The following SNX29 variants were observed in gnomAD, a reference collection of about 807,000 sequenced individuals.
The protein encoded by SNX29 is sorting nexin-29.
SNX29 carries 78 observed loss-of-function variants against 102.1 expected under a neutral mutation model. The observed-to-expected ratio is 0.76, with a 90% CI of 0.64 to 0.92. SNX29 has a LOEUF of 0.92. Ranked by LOEUF, SNX29 falls within the 40% of genes least tolerant of loss-of-function variation. The pLI, the probability that SNX29 is intolerant of heterozygous loss-of-function variation, is 0.00. For synonymous variants in SNX29, 580 were observed against 414.5 expected (o/e 1.40, Z -4.85); for missense variants, 1,280 against 1,061.7 (o/e 1.21, Z -2.86).
chr16:12,259,899 C>T (rs2078683590), intron 14 of SNX29, among the ~76,000 whole-genome samples: 1 of 152,038 alleles, frequency 6.6e-6, no homozygotes, highest in African/African-American at 2.4e-5. Context: ...ATCACCGCCA[C>T]ATCCAAAGTG....
intron 11 of SNX29, chr16:12,089,786 A>G (rs1250494174): frequency 5.8e-6 from 2 of 343,050 alleles, no homozygotes; most frequent in South Asian, 2.3e-5. Context: ...TGCGAAGAGC[A>G]GGCTCTGAAG....
In SNX29 at chr16:12,568,681, C is replaced by A. The variant is rs991150979; in HGVS notation, c.*52C>A. 6.9e-6 allele frequency: 11 copies of A among 1,585,172 alleles called. No individual in the cohort carries two copies. The East Asian group carries it at 1.8e-4, about 26-fold the overall frequency. On this transcript the variant is annotated 3_prime_UTR_variant, in exon 21 of 21. Coordinates refer to ENST00000566228, the MANE Select transcript of SNX29 (RefSeq NM_032167.5). ...CTGTGCGTGGCACCAGCTGCGTCCA[C>A]CCCAGCCACTGCCGCTGGCCCCTCA...
intron 11 of SNX29, among the ~76,000 whole-genome samples, chr16:12,094,879 TCG>T (rs1228468185): frequency 1.3e-5 from 2 of 151,632 alleles, no homozygotes; most frequent in African/African-American, 2.4e-5. Context: ...TTAAAACCTC[TCG>T]CCTCCTGCAT....
chr16:12,363,807 G>A (rs764741017), intron 16 of SNX29, among the ~76,000 whole-genome samples: 2 of 152,168 alleles, frequency 1.3e-5, no homozygotes, highest in African/African-American at 4.8e-5. Context: ...AAGTGTTTCA[G>A]ATTTCTTTAC....
intron 9 of SNX29, among the ~76,000 whole-genome samples, chr16:12,063,062 C>A (rs1286544292): frequency 6.6e-6 from 1 of 152,198 alleles, no homozygotes; most frequent in African/African-American, 2.4e-5. Flanking sequence ...CCCTGCACTG[C>A]AGTGTGGCTG....
rs1440998847 is a variant in SNX29 at position 12,275,198 on chromosome 16, G to A, written c.1679-2735G>A. 3.9e-5 allele frequency among the ~76,000 whole-genome samples: 6 copies of A among 152,114 alleles called. No homozygotes were observed. In the East Asian group the frequency reaches 1.2e-3, roughly 29 times the overall value. On this transcript the variant is annotated intron_variant, in intron 14 of 20. Coordinates refer to ENST00000566228, the MANE Select transcript of SNX29 (RefSeq NM_032167.5). The stretch of plus-strand genomic sequence containing the variant: ...CCATTCCACTGGAGAACTACCCCTG[G>A]TCTCCAAAGTTTTTTTAGATTCCTG...
intron 1 of SNX29, among the ~76,000 whole-genome samples, chr16:11,988,775 G>A (rs1407824081): frequency 6.6e-6 from 1 of 152,080 alleles, no homozygotes; most frequent in African/African-American, 2.4e-5. Flanking sequence ...GCAAGAACTG[G>A]TGAACTGGGT....
chr16:12,570,220 T>C lies in SNX29; in HGVS notation c.*1591T>C. 2 of 1,064,754 alleles carry C rather than the reference T, an allele frequency of 1.9e-6. No individual in the cohort carries two copies. Among genetic ancestry groups the C allele is most frequent in the Non-Finnish European group, 2.3e-6 (2 of 878,992 alleles). 66.0% of individuals were successfully genotyped at this position (1,064,754 alleles called of 1,614,324 possible). A position where few individuals can be genotyped will look rare whatever the true frequency, so the allele number is the denominator to read the frequency against. On this transcript the variant is annotated 3_prime_UTR_variant, in exon 21 of 21. Transcript: ENST00000566228. ...ACTTCCAAGGGGACCTGGGGCCAGA[T>C]AAGCCCTGCCCCGGTGAGACCAAAT...
intron 14 of SNX29, among the ~76,000 whole-genome samples, chr16:12,232,355 C>T (rs1221297212): frequency 7.2e-5 from 11 of 152,126 alleles, no homozygotes; most frequent in Admixed American, 1.3e-4. Context: ...GGTGAAACCC[C>T]GTCTCTACTA....
chr16:12,423,743 T>C (rs148762191), intron 18 of SNX29, among the ~76,000 whole-genome samples: 274 of 152,288 alleles, frequency 1.8e-3, no homozygotes, highest in African/African-American at 6.3e-3. Flanking sequence ...GCTAAGTTTT[T>C]GTATTTTTAA....
intron 20 of SNX29, among the ~76,000 whole-genome samples, chr16:12,538,738 C>A (rs992909833): frequency 6.6e-6 from 1 of 152,162 alleles, no homozygotes; most frequent in African/African-American, 2.4e-5. Context: ...ACAGGAGAAG[C>A]ACACCCATAT....
chr16:12,130,147 A>G (rs1336515607), intron 13 of SNX29, among the ~76,000 whole-genome samples: 3 of 150,762 alleles, frequency 2.0e-5, no homozygotes, highest in African/African-American at 7.3e-5. Context: ...CAACAAAAAA[A>G]AACCTGAGCA....
chr16:12,564,980 A>G (rs1014185420), intron 20 of SNX29, among the ~76,000 whole-genome samples: 11 of 146,384 alleles, frequency 7.5e-5, no homozygotes, highest in East Asian at 2.0e-4. Flanking sequence ...GAGGCGTTTC[A>G]GCTTCCGACT....
intron 16 of SNX29, among the ~76,000 whole-genome samples, chr16:12,380,100 A>G (rs1046625598): frequency 6.0e-5 from 9 of 150,710 alleles, no homozygotes; most frequent in African/African-American, 1.7e-4. Flanking sequence ...AACCTTGCAG[A>G]ATGGAATTAT....
intron 11 of SNX29, among the ~76,000 whole-genome samples, chr16:12,113,449 T>C (rs183010): frequency 0.63 from 96,149 of 151,892 alleles, 30,909 homozygotes; most frequent in East Asian, 0.86. Context: ...AGTAGGATGG[T>C]GCAGAGTTGG....
intron 16 of SNX29, among the ~76,000 whole-genome samples, chr16:12,366,010 C>A (rs960560786): frequency 1.6e-5 from 2 of 128,748 alleles, no homozygotes; most frequent in African/African-American, 5.6e-5. Flanking sequence ...CCACTGCACT[C>A]CAGCCTGGGC....
chr16:12,362,904 A>T (rs767851932), intron 16 of SNX29, among the ~76,000 whole-genome samples: 1 of 152,248 alleles, frequency 6.6e-6, no homozygotes, highest in Middle Eastern at 3.4e-3. Flanking sequence ...TTCACATGGT[A>T]GGTGTTCAGT....
intron 11 of SNX29, among the ~76,000 whole-genome samples, chr16:12,088,991 G>A (rs1207056277): frequency 6.6e-6 from 1 of 152,040 alleles, no homozygotes; most frequent in Non-Finnish European, 1.5e-5. Context: ...GGGGGCTGAG[G>A]CAGAGAATTG....
Position 12,129,756 on chromosome 16 carries a change from C to G in SNX29, c.1593C>G (p.Ala531=), listed in dbSNP as rs201093247. ...AGGGCATGAAGGTCCAGGCGCTGGC[C>G]AGGTAGGAGAGGGTGAGGGATGGAG... ...ERQGMKVQAL[A]RENEVLKVQL... Residue 531 remains alanine (A), a splice_region_variant and synonymous_variant, in exon 13 of 21, where the codon GCC becomes GCG. Coordinates refer to ENST00000566228, the MANE Select transcript of SNX29 (RefSeq NM_032167.5). 6,063 of 1,605,100 alleles carry G rather than the reference C, an allele frequency of 3.8e-3. 18 individuals carry two copies. Among genetic ancestry groups the G allele is most frequent in the Middle Eastern group, 9.3e-3 (41 of 4,414 alleles).
Sources: gnomAD v4.1 joint callset for allele counts (sites outside exome capture counted in the v4.1 genomes callset) on GRCh38, gnomAD v4.1.1 for gene constraint, MANE v1.5 for transcripts, NCBI Gene and HGNC (gene_info 2026-07-23, HGNC 2026-07-21) for gene names.